TRDN: variants seen among roughly 807,000 people sequenced by gnomAD.
TRDN encodes the protein triadin.
Under a neutral mutation model 149.7 loss-of-function variants are expected in TRDN, and 161 were observed. That is an observed-to-expected ratio of 1.08 (90% CI 0.95 to 1.23). The LOEUF (loss-of-function observed/expected upper bound fraction) is 1.23, where lower values mean the gene tolerates loss of function less well. Among genes scored for constraint, TRDN ranks in the 50% most tolerant of loss-of-function variants. The probability of loss-of-function intolerance (pLI) is 0.00; values close to 1 mark genes in which losing one functional copy is unlikely to be tolerated. For synonymous variants in TRDN, 294 were observed against 250.5 expected, an observed-to-expected ratio of 1.17 and a Z score of -1.64; for missense variants, 896 against 823.5, an observed-to-expected ratio of 1.09 and a Z score of -1.08.
At chr6:123,539,383 C>T (rs1475918644) in intron 4 of TRDN, among the ~76,000 whole-genome samples, 1 of 152,078 alleles carries the variant, frequency 6.6e-6, no homozygotes, top group Non-Finnish European at 1.5e-5. Flanking sequence ...AGCTCTAGTC[C>T]AGATGAAACT....
At chr6:123,339,974 T>G (rs1023345157) in intron 21 of TRDN, among the ~76,000 whole-genome samples, 2 of 152,162 alleles carry the variant, frequency 1.3e-5, no homozygotes, top group Admixed American at 6.6e-5. Context: ...TAATCTGAGA[T>G]AAAAACTATT....
At chr6:123,509,941 G>A (rs999144523) in intron 7 of TRDN, 1 of 151,996 alleles carries the variant, frequency 6.6e-6, no homozygotes, top group Non-Finnish European at 1.5e-5. Flanking sequence ...TGGCAAAAAT[G>A]TTTTTCTCTC....
intron 20 of TRDN, among the ~76,000 whole-genome samples, chr6:123,358,029 A>C (rs370079211): frequency 2.6e-5 from 4 of 152,254 alleles, no homozygotes; most frequent in African/African-American, 9.6e-5. Flanking sequence ...CAAACATTAG[A>C]AATAAACAGC....
At chr6:123,454,011 TAAGTG>T (rs1562322158) in intron 10 of TRDN, among the ~76,000 whole-genome samples, 1 of 152,100 alleles carries the variant, frequency 6.6e-6, no homozygotes, top group African/African-American at 2.4e-5. Flanking sequence ...ACTATTATTC[TAAGTG>T]AAGTAACTCA....
intron 2 of TRDN, among the ~76,000 whole-genome samples, chr6:123,555,150 C>G (rs1464069145): frequency 6.6e-6 from 1 of 152,098 alleles, no homozygotes; most frequent in Non-Finnish European, 1.5e-5. Flanking sequence ...AGACATTATA[C>G]TTTAAAGCTT....
At chr6:123,485,635 C>A (rs1777939193) in intron 9 of TRDN, among the ~76,000 whole-genome samples, 1 of 151,920 alleles carries the variant, frequency 6.6e-6, no homozygotes, top group East Asian at 1.9e-4. Context: ...ATATGGGAAC[C>A]ACCATCCACA....
chr6:123,332,402 C>T (rs1933893), intron 22 of TRDN, among the ~76,000 whole-genome samples: 27,489 of 151,616 alleles, frequency 0.18, 3,488 homozygotes, highest in East Asian at 0.63. Context: ...AGAATAAGAC[C>T]AAAATAAAAT....
intron 39 of TRDN, 43 bp from the exon 40 acceptor site, chr6:123,221,565 CA>C (rs1775149162): frequency 7.6e-7 from 1 of 1,321,474 alleles, no homozygotes; most frequent in African/African-American, 1.5e-5. Flanking sequence ...TGTACATTTA[CA>C]ACTTTTATAT....
intron 10 of TRDN, among the ~76,000 whole-genome samples, chr6:123,455,498 A>G (rs1017178438): frequency 2.6e-5 from 4 of 151,856 alleles, no homozygotes; most frequent in African/African-American, 9.7e-5. Flanking sequence ...GAGAAGGAAA[A>G]GGAGATGCTA....
At chr6:123,243,070 G>A (rs1291300012) in intron 38 of TRDN, among the ~76,000 whole-genome samples, 8 of 152,080 alleles carry the variant, frequency 5.3e-5, no homozygotes, top group Non-Finnish European at 1.2e-4. Context: ...GATGTGCCCC[G>A]AAGACAAATT....
intron 19 of TRDN, among the ~76,000 whole-genome samples, chr6:123,368,920 A>G (rs7765003): frequency 0.93 from 141,355 of 152,212 alleles, 65,699 homozygotes; most frequent in East Asian, 0.99. Flanking sequence ...TAGTTAAATC[A>G]CTCACGTATT....
At chr6:123,619,375 C>T (rs979610222) in intron 1 of TRDN, among the ~76,000 whole-genome samples, 1 of 152,120 alleles carries the variant, frequency 6.6e-6, no homozygotes, top group Non-Finnish European at 1.5e-5. Flanking sequence ...TTGGTGCTGG[C>T]TGTTGGCTGG....
At chr6:123,567,191 A>G (rs1039877865) in intron 2 of TRDN, among the ~76,000 whole-genome samples, 7 of 152,256 alleles carry the variant, frequency 4.6e-5, no homozygotes, top group African/African-American at 1.2e-4. Context: ...AATTTACATT[A>G]TAGACATTAC....
intron 38 of TRDN, among the ~76,000 whole-genome samples, chr6:123,224,697 GAT>G (rs1478148536): frequency 6.6e-6 from 1 of 151,688 alleles, no homozygotes; most frequent in African/African-American, 2.4e-5. Flanking sequence ...GGGAAAACTG[GAT>G]ATCTATATGC....
intron 20 of TRDN, among the ~76,000 whole-genome samples, chr6:123,362,255 C>T (rs909188053): frequency 2.0e-5 from 3 of 152,114 alleles, no homozygotes; most frequent in African/African-American, 7.2e-5. Flanking sequence ...TAGTCCAGGT[C>T]CTAACACTTT....
At chr6:123,383,006 T>C (rs1364306418) in intron 14 of TRDN, among the ~76,000 whole-genome samples, 1 of 152,108 alleles carries the variant, frequency 6.6e-6, no homozygotes, top group Non-Finnish European at 1.5e-5. Flanking sequence ...ATTAGAATCA[T>C]AATAATGAAC....
chr6:123,248,319 G>T (rs1249763649), intron 38 of TRDN, among the ~76,000 whole-genome samples: 1 of 152,164 alleles, frequency 6.6e-6, no homozygotes, highest in African/African-American at 2.4e-5. Flanking sequence ...CACTTTGGGA[G>T]GCTGAGGCGT....
intron 7 of TRDN, among the ~76,000 whole-genome samples, chr6:123,505,724 A>G (rs4376367): frequency 0.83 from 125,772 of 151,202 alleles, 52,484 homozygotes; most frequent in East Asian, 0.88. Flanking sequence ...TTTTGAGATG[A>G]AGTCTTGCTT....
At chr6:123,469,377 T>C (rs1180661688) in intron 9 of TRDN, among the ~76,000 whole-genome samples, 1 of 152,148 alleles carries the variant, frequency 6.6e-6, no homozygotes, top group Non-Finnish European at 1.5e-5. Flanking sequence ...CCTAGAGATA[T>C]GGGGTGCTAA....
Sources: allele counts gnomAD v4.1 joint callset (sites outside exome capture counted in the v4.1 genomes callset), GRCh38; gene constraint gnomAD v4.1.1; transcripts MANE v1.5; gene names NCBI Gene and HGNC (gene_info 2026-07-23, HGNC 2026-07-21).